The following SND1 variants were observed in gnomAD, a reference collection of about 807,000 sequenced individuals.
SND1 encodes the protein staphylococcal nuclease and tudor domain containing 1, also known as staphylococcal nuclease domain-containing protein 1.
SND1 carries 38 observed loss-of-function variants against 121.7 expected under a neutral mutation model. The observed-to-expected ratio is 0.31, with a 90% CI of 0.24 to 0.41. SND1 has a LOEUF of 0.41. Ranked by LOEUF, SND1 falls within the 10% of genes least tolerant of loss-of-function variation. The pLI, the probability that SND1 is intolerant of heterozygous loss-of-function variation, is 1.00. For missense variants in SND1, 868 were observed against 1,184.6 expected, an observed-to-expected ratio of 0.73 and a Z score of 3.92; for synonymous variants, 401 against 447.4, an observed-to-expected ratio of 0.90 and a Z score of 1.31.
intron 16 of SND1, among the ~76,000 whole-genome samples, chr7:128,025,562 A>C (rs1489061515): frequency 6.6e-6 from 1 of 152,206 alleles, no homozygotes; most frequent in Non-Finnish European, 1.5e-5. Flanking sequence ...ATTCCTAGGT[A>C]ACAAACCTTG....
chr7:127,784,889 G>A (rs563058651), intron 10 of SND1, among the ~76,000 whole-genome samples: 14 of 152,290 alleles, frequency 9.2e-5, no homozygotes, highest in East Asian at 1.9e-4. Flanking sequence ...GAAAGTGGGG[G>A]CTGGCTTAAA....
At chr7:127,895,075 C>T (rs1260747572) in intron 13 of SND1, among the ~76,000 whole-genome samples, 1 of 151,960 alleles carries the variant, frequency 6.6e-6, no homozygotes, top group Admixed American at 6.6e-5. Context: ...TCTCTCATTT[C>T]TATTAAATTG....
intron 11 of SND1, among the ~76,000 whole-genome samples, chr7:127,809,753 C>G (rs1798300104): frequency 6.6e-6 from 1 of 152,146 alleles, no homozygotes; most frequent in African/African-American, 2.4e-5. Flanking sequence ...CATAATATGA[C>G]AATTTTGAGG....
rs539294094 is a variant in SND1, at chr7:128,021,570, T to G, written c.1779+30514T>G. ...AACCAAACTTTGCACAGGGAACACT[T>G]AGTGTGTGAAAGCTCTTCTCAGTCA... On this transcript the variant is annotated intron_variant, in intron 16 of 23. Coordinates refer to ENST00000354725, the MANE Select transcript of SND1 (RefSeq NM_014390.4). Among the ~76,000 whole-genome samples, 3 of 152,260 alleles carry G rather than the reference T, an allele frequency of 2.0e-5. No individual in the cohort carries two copies. The East Asian group carries it at 5.8e-4, about 29-fold the overall frequency.
chr7:127,857,449 C>T (rs1387516288), intron 12 of SND1, among the ~76,000 whole-genome samples: 1 of 150,220 alleles, frequency 6.7e-6, no homozygotes, highest in Non-Finnish European at 1.5e-5. Flanking sequence ...GTGATCCGCC[C>T]GCCTCGCCCT....
intron 11 of SND1, among the ~76,000 whole-genome samples, chr7:127,836,519 C>T (rs1180150176): frequency 6.6e-6 from 1 of 151,988 alleles, no homozygotes; most frequent in African/African-American, 2.4e-5. Context: ...ATAGATGAGA[C>T]AACAAAATGT....
intron 16 of SND1, among the ~76,000 whole-genome samples, chr7:128,010,927 G>A (rs536038112): frequency 2.6e-4 from 39 of 152,156 alleles, no homozygotes; most frequent in Non-Finnish European, 4.6e-4. Context: ...CTCTAACTGA[G>A]GAGCTGGTGA....
At chr7:128,003,490 T>A (rs1184559779) in intron 16 of SND1, among the ~76,000 whole-genome samples, 1 of 152,226 alleles carries the variant, frequency 6.6e-6, no homozygotes, top group Non-Finnish European at 1.5e-5. Context: ...GGTGTACAGC[T>A]AGAGGTGGAA....
chr7:127,728,197 C>G (rs1359753299), intron 10 of SND1, among the ~76,000 whole-genome samples: 2 of 151,808 alleles, frequency 1.3e-5, no homozygotes, highest in Admixed American at 6.6e-5. Flanking sequence ...TTATATATTC[C>G]CTTTCCCAGG....
intron 12 of SND1, among the ~76,000 whole-genome samples, chr7:127,872,741 A>G (rs778868846): frequency 3.9e-5 from 6 of 152,106 alleles, no homozygotes; most frequent in Non-Finnish European, 8.8e-5. Context: ...AACAAACATA[A>G]TAAGCTAAGC....
At chr7:127,811,900 T>C (rs1218944065) in intron 11 of SND1, among the ~76,000 whole-genome samples, 1 of 151,952 alleles carries the variant, frequency 6.6e-6, no homozygotes, top group Non-Finnish European at 1.5e-5. Context: ...AAGTAGACTA[T>C]TTTTTTTGGT....
At chr7:128,031,771 A>ACCGCCCGTCG (rs1003046458) in intron 16 of SND1, 3 of 142,836 alleles carry the variant, frequency 2.1e-5, no homozygotes, top group African/African-American at 7.6e-5. Flanking sequence ...GCGGCGCGCA[A>ACCGCCCGTCG]CCGCCCGTCG....
chr7:127,994,619 C>T (rs907864451), intron 16 of SND1, among the ~76,000 whole-genome samples: 8 of 145,424 alleles, frequency 5.5e-5, no homozygotes, highest in South Asian at 2.2e-4. Context: ...AGCCTGACTC[C>T]GCTGGTATTT....
At chr7:128,000,891 G>C (rs1802811251) in intron 16 of SND1, among the ~76,000 whole-genome samples, 1 of 152,146 alleles carries the variant, frequency 6.6e-6, no homozygotes, top group African/African-American at 2.4e-5. Flanking sequence ...TTTTCTCCAG[G>C]TAATACTAAC....
intron 10 of SND1, among the ~76,000 whole-genome samples, chr7:127,756,704 A>C (rs1189855225): frequency 6.6e-6 from 1 of 152,142 alleles, no homozygotes; most frequent in Non-Finnish European, 1.5e-5. Flanking sequence ...AGCTTCCCCA[A>C]ATCACTTACC....
At chr7:127,826,346 T>C (rs1457156572) in intron 11 of SND1, among the ~76,000 whole-genome samples, 1 of 152,210 alleles carries the variant, frequency 6.6e-6, no homozygotes, top group Non-Finnish European at 1.5e-5. Flanking sequence ...TTTTGAACTA[T>C]GGTGATGTGG....
At chr7:127,882,921 G>A (rs1799820742) in intron 12 of SND1, among the ~76,000 whole-genome samples, 1 of 152,074 alleles carries the variant, frequency 6.6e-6, no homozygotes, top group Non-Finnish European at 1.5e-5. Flanking sequence ...ATATAAAAAG[G>A]GACCTAACAA....
At chr7:127,904,943 C>T in intron 14 of SND1, 124 bp downstream of exon 14, 2 of 647,214 alleles carry the variant, frequency 3.1e-6, no homozygotes, top group East Asian at 5.4e-5. Context: ...CTGACTGTGA[C>T]TTTTCCCCAC....
intron 16 of SND1, chr7:128,027,679 T>A (rs1343907658): frequency 6.6e-6 from 1 of 152,172 alleles, no homozygotes; most frequent in Non-Finnish European, 1.5e-5. Flanking sequence ...AAATCTTTTT[T>A]AAAAATCATA....
Sources: gnomAD v4.1 joint callset for allele counts (sites outside exome capture counted in the v4.1 genomes callset) on GRCh38, gnomAD v4.1.1 for gene constraint, MANE v1.5 for transcripts, NCBI Gene and HGNC (gene_info 2026-07-23, HGNC 2026-07-21) for gene names.